Variants in RPTOR observed in about 807,000 individuals in gnomAD.
RPTOR encodes regulatory associated protein of MTOR complex 1.
In RPTOR, 21 loss-of-function variants were observed where a neutral mutation model predicts 169.9. The observed-to-expected ratio is 0.12, with a 90% CI of 0.09 to 0.18. The LOEUF (loss-of-function observed/expected upper bound fraction) is 0.18. Ranked by LOEUF, RPTOR falls within the 10% of genes least tolerant of loss-of-function variation. The pLI is 1.00. For missense variants in RPTOR, 1,133 were observed against 1,855.9 expected, an observed-to-expected ratio of 0.61 and a Z score of 7.16; for synonymous variants, 732 against 753.2, an observed-to-expected ratio of 0.97 and a Z score of 0.46.
intron 20 of RPTOR, among the ~76,000 whole-genome samples, chr17:80,898,842 T>G (rs939230797): frequency 1.3e-5 from 2 of 151,686 alleles, no homozygotes; most frequent in African/African-American, 4.8e-5. Flanking sequence ...CCATTGTGGT[T>G]CCTGGGGATG....
At position 80,730,420 on chromosome 17, in the gene RPTOR, A is replaced by T; in HGVS notation, c.508-140A>T. The T allele has an allele frequency of 1.1e-6, 1 of 885,110 alleles. No homozygotes were observed. Among genetic ancestry groups the T allele is most frequent in the Non-Finnish European group, 1.7e-6 (1 of 586,416 alleles). 54.8% of individuals were successfully genotyped at this position (885,110 alleles called of 1,614,324 possible). On this transcript the variant is annotated intron_variant, in intron 4 of 33. Coordinates refer to ENST00000306801, the MANE Select transcript of RPTOR (RefSeq NM_020761.3). The surrounding 1 kb of genome is among the most constrained non-coding windows in gnomAD (Gnocchi z 4.2). The stretch of plus-strand genomic sequence containing the variant: ...GCGCCTGGCCAGTTTGCTGTTTTTT[A>T]TAGTTTTGTATAAAGGCTAACTCAG...
At chr17:80,862,815 G>T (rs1317915911) in intron 13 of RPTOR, among the ~76,000 whole-genome samples, 12 of 152,172 alleles carry the variant, frequency 7.9e-5, no homozygotes, top group Non-Finnish European at 1.5e-5. Flanking sequence ...ATGGTGTACA[G>T]ACGGGTCCAC....
intron 4 of RPTOR, among the ~76,000 whole-genome samples, chr17:80,710,553 C>T (rs2066179776): frequency 6.9e-6 from 1 of 144,122 alleles, no homozygotes; most frequent in African/African-American, 2.6e-5. Context: ...TGTTGATTTG[C>T]CTCCCTTGGT....
chr17:80,685,644 T>TTTATTTTTTTTTTTTTTTTTTTTA (rs139887998), intron 3 of RPTOR, among the ~76,000 whole-genome samples: 1 of 72,302 alleles, frequency 1.4e-5, no homozygotes, highest in East Asian at 5.9e-4. Context: ...TTTTTTTTTT[T>TTTATTTTTTTTTTTTTTTTTTTTA]TTTTTTTTTT....
intron 21 of RPTOR, among the ~76,000 whole-genome samples, chr17:80,912,111 G>T (rs2068620249): frequency 6.6e-6 from 1 of 152,196 alleles, no homozygotes; most frequent in Non-Finnish European, 1.5e-5. Context: ...TTCAAGGTTG[G>T]GTTTTAAATA....
In RPTOR at chr17:80,667,135, ATC is replaced by A. The variant is rs560474308; in HGVS notation, c.348+23326_348+23327del. Among the ~76,000 whole-genome samples the A allele has an allele frequency of 5.3e-5, 8 of 152,182 alleles. No individual in the cohort carries two copies. In the South Asian group the frequency reaches 1.5e-3, roughly 28 times the overall value. On this transcript the variant is annotated intron_variant, in intron 3 of 33. Transcript: ENST00000306801. ...CAGTGCTGATGGTAGGTTCTGCTGG[ATC>A]CCTGCCCCGGTGCATGTTGATCTTT...
intron 5 of RPTOR, among the ~76,000 whole-genome samples, chr17:80,737,021 G>C (rs979372475): frequency 6.6e-6 from 1 of 152,194 alleles, no homozygotes; most frequent in African/African-American, 2.4e-5. Flanking sequence ...GCTGACATGT[G>C]TTAGGTCACA....
chr17:80,724,485 C>G (rs2066313451), intron 4 of RPTOR, among the ~76,000 whole-genome samples: 1 of 151,814 alleles, frequency 6.6e-6, no homozygotes, highest in African/African-American at 2.4e-5. Flanking sequence ...ATGGCCAAAT[C>G]AGGTTTGGGT....
rs151169492 is a variant in RPTOR at position 80,834,854 on chromosome 17, C to T, written c.1137-3068C>T. Among the ~76,000 whole-genome samples the T allele has an allele frequency of 2.3e-3, 358 of 152,346 alleles. No individual in the cohort carries two copies. In the Middle Eastern group the frequency reaches 0.024, roughly 10 times the overall value. ...ACGCTGGTCTGCTCGGCCCACGGCC[C>T]GGACACCCTCTCTGCCCTCCTCTCG... is the stretch of plus-strand genomic sequence containing the variant. On this transcript the variant is annotated intron_variant, in intron 9 of 33. Transcript: ENST00000306801.
At chr17:80,699,976 G>A (rs2066070955) in intron 3 of RPTOR, among the ~76,000 whole-genome samples, 1 of 152,152 alleles carries the variant, frequency 6.6e-6, no homozygotes, top group African/African-American at 2.4e-5. Flanking sequence ...CAAGAAGGAT[G>A]CTTTCAACAT....
chr17:80,841,164 C>G (rs2067644339), intron 10 of RPTOR, among the ~76,000 whole-genome samples: 2 of 130,404 alleles, frequency 1.5e-5, no homozygotes, highest in Admixed American at 7.1e-5. Flanking sequence ...CACGGCAGCT[C>G]ACTCTCACCG....
chr17:80,808,249 A>G (rs958330759), intron 7 of RPTOR, among the ~76,000 whole-genome samples: 1 of 152,054 alleles, frequency 6.6e-6, no homozygotes. Flanking sequence ...ACATAGCAAG[A>G]CCCCAGCTCT....
At chr17:80,964,215 G>A in intron 33 of RPTOR, 47 bp from the exon 34 acceptor site, 1 of 1,521,506 alleles carries the variant, frequency 6.6e-7, no homozygotes. Flanking sequence ...CCCCCGCAGT[G>A]TCTGCCCGCA....
rs957251125 is a variant in RPTOR at position 80,746,313 on chromosome 17, G to A, written c.655-7697G>A. ...GTGCTTTCTGCGGGTGATCCCCACC[G>A]CCCCCACAGCGGTGCTTTCTGCGGG... is the stretch of plus-strand genomic sequence containing the variant. On this transcript the variant is annotated intron_variant, in intron 5 of 33. Transcript: ENST00000306801. The surrounding 1 kb of genome is among the most constrained non-coding windows in gnomAD (Gnocchi z 4.5). 2.1e-5 allele frequency among the ~76,000 whole-genome samples: 3 copies of A among 143,458 alleles called. No homozygotes were observed. The highest frequency in any genetic ancestry group is 4.6e-5 in the Non-Finnish European group (3 of 65,748). The allele number at this position is 143,458 out of a possible 152,430, so 94.1% of individuals were successfully genotyped here.
chr17:80,813,966 T>G (rs572083358), intron 7 of RPTOR, among the ~76,000 whole-genome samples: 6 of 152,262 alleles, frequency 3.9e-5, no homozygotes, highest in African/African-American at 9.6e-5. Flanking sequence ...AAACCCCATC[T>G]CTACCAAAAA....
intron 13 of RPTOR, among the ~76,000 whole-genome samples, chr17:80,865,507 A>G (rs1482002439): frequency 6.6e-6 from 1 of 152,186 alleles, no homozygotes; most frequent in African/African-American, 2.4e-5. Flanking sequence ...CTATGTTAAT[A>G]TCAGACAGAG....
At position 80,965,294 on chromosome 17, in the gene RPTOR, T is replaced by C. The variant is rs769072585; in HGVS notation, c.*964T>C. On this transcript the variant is annotated 3_prime_UTR_variant, in exon 34 of 34. Coordinates refer to ENST00000306801, the MANE Select transcript of RPTOR (RefSeq NM_020761.3). ...CATGCAGGCGGCGTGGTCTCCCTGC[T>C]CTGTCCCCACACGTTCCTCACATAC... is the stretch of plus-strand genomic sequence containing the variant. 9.4e-5 allele frequency: 22 copies of C among 233,202 alleles called. No homozygotes were observed. The highest frequency in any genetic ancestry group is 1.5e-4 in the Non-Finnish European group (18 of 118,090). 14.4% of individuals were successfully genotyped at this position (233,202 alleles called of 1,614,324 possible).
chr17:80,765,559 G>T (rs1400856516), intron 6 of RPTOR, among the ~76,000 whole-genome samples: 5 of 152,198 alleles, frequency 3.3e-5, no homozygotes, highest in Non-Finnish European at 7.3e-5. Flanking sequence ...CGTTAGTGCT[G>T]CTTTCAGGAT....
intron 17 of RPTOR, among the ~76,000 whole-genome samples, chr17:80,886,540 T>C (rs1260769741): frequency 6.6e-6 from 1 of 152,222 alleles, no homozygotes; most frequent in Non-Finnish European, 1.5e-5. Context: ...TAAAATTCTT[T>C]TTAAAGTAAG....
Sources: gnomAD v4.1 joint callset for allele counts (sites outside exome capture counted in the v4.1 genomes callset) on GRCh38, gnomAD v4.1.1 for gene constraint, Gnocchi (gnomAD v3.1) non-coding constraint, MANE v1.5 for transcripts, NCBI Gene and HGNC (gene_info 2026-07-23, HGNC 2026-07-21) for gene names.